Variants in ATP6V1A observed in about 807,000 individuals in gnomAD.
ATP6V1A encodes the protein ATPase H+ transporting V1 subunit A, also known as V-type proton ATPase catalytic subunit A.
Under a neutral mutation model 70.1 loss-of-function variants are expected in ATP6V1A, and 18 were observed. That is an observed-to-expected ratio of 0.26 (90% CI 0.18 to 0.38). The LOEUF (loss-of-function observed/expected upper bound fraction) is 0.38, where lower values mean the gene tolerates loss of function less well. Ranked by LOEUF, ATP6V1A falls within the 10% of genes least tolerant of loss-of-function variation. The probability of loss-of-function intolerance (pLI) is 1.00; values close to 1 mark genes in which losing one functional copy is unlikely to be tolerated. For missense variants in ATP6V1A, 424 were observed against 772.4 expected (o/e 0.55, Z 5.35); for synonymous variants, 232 against 253.8 (o/e 0.91, Z 0.82).
intron 1 of ATP6V1A, among the ~76,000 whole-genome samples, chr3:113,769,307 A>G (rs1269461936): frequency 6.6e-6 from 1 of 152,224 alleles, no homozygotes; most frequent in Non-Finnish European, 1.5e-5. Context: ...AAAAAGATTA[A>G]CAGTGTGTGA....
intron 1 of ATP6V1A, among the ~76,000 whole-genome samples, chr3:113,766,029 A>T (rs908752582): frequency 1.3e-5 from 2 of 151,934 alleles, no homozygotes; most frequent in African/African-American, 4.8e-5. Flanking sequence ...CCTTTTTTTC[A>T]TCTTCTCCCT....
intron 1 of ATP6V1A, among the ~76,000 whole-genome samples, chr3:113,764,187 C>A (rs1426511073): frequency 6.6e-6 from 1 of 151,740 alleles, no homozygotes; most frequent in Non-Finnish European, 1.5e-5. Context: ...GAGCCTTGAT[C>A]GCACCACTGT....
intron 1 of ATP6V1A, among the ~76,000 whole-genome samples, chr3:113,756,063 A>G (rs62268166): frequency 2.0e-4 from 30 of 152,208 alleles, no homozygotes; most frequent in Non-Finnish European, 3.1e-4. Flanking sequence ...TGGAAGCCTC[A>G]TAACAACCTA....
intron 6 of ATP6V1A, 29 bp from the exon 7 acceptor site, chr3:113,788,684 G>A (rs1202054519): frequency 2.5e-6 from 4 of 1,601,636 alleles, no homozygotes; most frequent in African/African-American, 1.4e-5. Context: ...AGCAAGTCAA[G>A]TAATCCATAC....
At chr3:113,806,140 G>T (rs1459116275) in intron 14 of ATP6V1A, among the ~76,000 whole-genome samples, 2 of 151,938 alleles carry the variant, frequency 1.3e-5, no homozygotes, top group African/African-American at 4.8e-5. Flanking sequence ...CAGGTGTGGG[G>T]CACACACCTG....
chr3:113,789,898 A>G (rs1210315557), intron 8 of ATP6V1A, 58 bp downstream of exon 8: 3 of 1,339,400 alleles, frequency 2.2e-6, no homozygotes, highest in Non-Finnish European at 3.2e-6. Context: ...TAAAGCTAGC[A>G]CCAAACTTTT....
At chr3:113,789,204 C>T (rs975200597) in intron 7 of ATP6V1A, among the ~76,000 whole-genome samples, 3 of 152,154 alleles carry the variant, frequency 2.0e-5, no homozygotes, top group East Asian at 3.9e-4. Context: ...CATGCCACCA[C>T]GCCCAGCTGA....
At chr3:113,796,000 G>C (rs1709149989) in intron 11 of ATP6V1A, 61 bp downstream of exon 11, 1 of 1,346,734 alleles carries the variant, frequency 7.4e-7, no homozygotes, top group South Asian at 1.3e-5. Flanking sequence ...AGCCCCTGCT[G>C]TTCTAATGCG....
At chr3:113,769,684 T>C (rs1708812063) in intron 1 of ATP6V1A, among the ~76,000 whole-genome samples, 1 of 152,184 alleles carries the variant, frequency 6.6e-6, no homozygotes, top group Admixed American at 6.5e-5. Flanking sequence ...TTTTTTCCTC[T>C]GGTGTTATTT....
intron 1 of ATP6V1A, among the ~76,000 whole-genome samples, chr3:113,774,581 AG>A (rs1350376027): frequency 6.6e-6 from 1 of 152,172 alleles, no homozygotes; most frequent in African/African-American, 2.4e-5. Context: ...TTGGGATTAC[AG>A]GTGGGCAGAT....
In ATP6V1A at chr3:113,804,253, A is replaced by G. The variant is rs368372020; in HGVS notation, c.1589+576A>G. Among the ~76,000 whole-genome samples the G allele has an allele frequency of 5.3e-5, 8 of 151,802 alleles. 1 individual carries two copies. In the South Asian group the frequency reaches 1.5e-3, roughly 28 times the overall value. On this transcript the variant is annotated intron_variant, in intron 13 of 14. Transcript: ENST00000273398. ...AGCAGTCCACCCACCTCGGCCTCCC[A>G]AAGTGTTGGGACTCAGGCATGAGCC...
intron 2 of ATP6V1A, chr3:113,779,153 T>C (rs1432869363): frequency 1.1e-5 from 2 of 185,180 alleles, no homozygotes; most frequent in African/African-American, 4.7e-5. Flanking sequence ...CTATGAAGTT[T>C]ATAGCTTTTA....
chr3:113,761,593 G>A (rs1234766552), intron 1 of ATP6V1A, among the ~76,000 whole-genome samples: 1 of 151,458 alleles, frequency 6.6e-6, no homozygotes, highest in Non-Finnish European at 1.5e-5. Flanking sequence ...ATAATTAGCC[G>A]GGCATGGAGG....
At chr3:113,800,994 A>C (rs1187126649) in intron 12 of ATP6V1A, 1 of 152,046 alleles carries the variant, frequency 6.6e-6, no homozygotes, top group Admixed American at 6.6e-5. Context: ...GTCTCTACAA[A>C]AAATATAAAA....
rs1271651637 is a variant in ATP6V1A at position 113,810,840 on chromosome 3, G to A, written c.*1413G>A. On this transcript the variant is annotated 3_prime_UTR_variant, in exon 15 of 15. Coordinates refer to ENST00000273398, the MANE Select transcript of ATP6V1A (RefSeq NM_001690.4). The stretch of plus-strand genomic sequence containing the variant: ...ACAGCCAGTTGACCAATCATAGAAA[G>A]TATTACTTTCTTTCATATGGTTTTT... 2 of 152,312 alleles carry A rather than the reference G, an allele frequency of 1.3e-5. No homozygotes were observed. Among genetic ancestry groups the A allele is most frequent in the East Asian group, 1.9e-4 (1 of 5,190 alleles). 9.4% of individuals were successfully genotyped at this position (152,312 alleles called of 1,614,324 possible). A position where few individuals can be genotyped will look rare whatever the true frequency, so the allele number is the denominator to read the frequency against.
At chr3:113,759,648 A>C (rs1708680011) in intron 1 of ATP6V1A, among the ~76,000 whole-genome samples, 1 of 152,060 alleles carries the variant, frequency 6.6e-6, no homozygotes. Flanking sequence ...TGATCTTAGA[A>C]GGTCATTCTG....
intron 7 of ATP6V1A, 51 bp downstream of exon 7, chr3:113,788,926 G>A: frequency 6.6e-7 from 1 of 1,513,344 alleles, no homozygotes; most frequent in Non-Finnish European, 9.1e-7. Context: ...ACTCATCAGT[G>A]TTCATTGACA....
intron 1 of ATP6V1A, among the ~76,000 whole-genome samples, chr3:113,751,711 A>G (rs892733613): frequency 3.3e-5 from 5 of 151,160 alleles, no homozygotes; most frequent in Non-Finnish European, 7.4e-5. Flanking sequence ...TAGAGTAAAT[A>G]TTTGTAGTAT....
intron 1 of ATP6V1A, among the ~76,000 whole-genome samples, chr3:113,766,706 T>C (rs1028845408): frequency 6.6e-6 from 1 of 152,202 alleles, no homozygotes; most frequent in Non-Finnish European, 1.5e-5. Context: ...AGGGTTGGAA[T>C]TAAAATGTGA....
Sources: gnomAD v4.1 joint callset for allele counts (sites outside exome capture counted in the v4.1 genomes callset) on GRCh38, gnomAD v4.1.1 for gene constraint, MANE v1.5 for transcripts, NCBI Gene and HGNC (gene_info 2026-07-23, HGNC 2026-07-21) for gene names.